TULP1: variants seen among roughly 807,000 people sequenced by gnomAD.
The protein encoded by TULP1 is tubby-related protein 1.
Under a neutral mutation model 67.1 loss-of-function variants are expected in TULP1, and 50 were observed. The ratio of observed to expected loss-of-function variants is 0.75; its 90% confidence interval spans 0.59 to 0.94. The LOEUF (loss-of-function observed/expected upper bound fraction) is 0.94, where lower values mean the gene tolerates loss of function less well. TULP1 is among the 40% of genes least tolerant of loss of function. The pLI is 0.00. For synonymous variants in TULP1, 297 were observed against 294.0 expected, an observed-to-expected ratio of 1.01 and a Z score of -0.11; for missense variants, 746 against 734.1, an observed-to-expected ratio of 1.02 and a Z score of -0.19.
At chr6:35,501,655 T>C (rs1760966177) in intron 13 of TULP1, among the ~76,000 whole-genome samples, 1 of 149,220 alleles carries the variant, frequency 6.7e-6, no homozygotes, top group Non-Finnish European at 1.5e-5. Flanking sequence ...CTACTGAAAA[T>C]ACAAAAATTA....
At chr6:35,501,934 ACCT>A (rs543711386) in intron 13 of TULP1, among the ~76,000 whole-genome samples, 2 of 151,328 alleles carry the variant, frequency 1.3e-5, no homozygotes, top group South Asian at 4.2e-4. Context: ...CACTTCTCTG[ACCT>A]CCTCTCCCCC....
At chr6:35,501,805 C>G (rs1760968490) in intron 13 of TULP1, among the ~76,000 whole-genome samples, 1 of 152,216 alleles carries the variant, frequency 6.6e-6, no homozygotes, top group Admixed American at 6.5e-5. Flanking sequence ...GAGCGAGACT[C>G]CGTCTCAAAA....
At chr6:35,499,875 A>C in intron 14 of TULP1, 106 bp downstream of exon 14, 1 of 1,396,430 alleles carries the variant, frequency 7.2e-7, no homozygotes, top group Non-Finnish European at 1.0e-6. Flanking sequence ...AGCTCTCGGG[A>C]TAAAGGCTGG....
Position 35,512,019 on chromosome 6 carries a change from C to T in TULP1, c.190+161G>A, listed in dbSNP as rs1252233693. ...CAACGCCACCCCCTTCTACACCAAC[C>T]CCAACCCCAACCCCAACCCCAATCC... On this transcript the variant is annotated intron_variant, in intron 3 of 14. Transcript: ENST00000229771. 4 of 564,008 alleles carry T rather than the reference C, an allele frequency of 7.1e-6. No individual in the cohort carries two copies. The African/African-American group carries it at 7.7e-5, about 11-fold the overall frequency. The allele number at this position is 564,008 out of a possible 1,614,324, so 34.9% of individuals were successfully genotyped here. A position where few individuals can be genotyped will look rare whatever the true frequency, so the allele number is the denominator to read the frequency against.
chr6:35,511,785 C>T lies in TULP1; in HGVS notation c.212G>A (p.Arg71Gln), dbSNP rs1359111633. ...GGCTGGGTCTGGGGAAGGCTCCTCC[C>T]GCGGCCTCCCCGTCCGCCCAGCTGA... ...KPGAGRTGRP[R>Q]EEPSPDPAQA... The change falls in exon 4 of 15, where the codon CGG (arginine) becomes CAG (glutamine). Residue 71 changes from arginine (R) to glutamine (Q), a missense_variant. By Grantham distance (43) the Arg-to-Gln change is conservative. Coordinates refer to ENST00000229771, the MANE Select transcript of TULP1 (RefSeq NM_003322.6). The T allele has an allele frequency of 2.6e-6, 4 of 1,567,442 alleles. No homozygotes were observed. The highest frequency in any genetic ancestry group is 1.2e-5 in the South Asian group (1 of 85,596).
rs1761007641 is a variant in TULP1 at position 35,503,295 on chromosome 6, T to C, written c.1323+264A>G. On this transcript the variant is annotated intron_variant, in intron 13 of 14. Transcript: ENST00000229771. This position sits in a 1 kb window ranked among gnomAD's most constrained non-coding sequence, Gnocchi z 4.0. ...GTCTTCCAGGTGCCTAGGATAATACTTGGCACTCAATATGTGTGGTCAATG... is the reference window on the plus strand; with the variant it reads ...GTCTTCCAGGTGCCTAGGATAATACCTGGCACTCAATATGTGTGGTCAATG... The C allele has an allele frequency of 4.2e-6, 2 of 478,632 alleles. No homozygotes were observed. The highest frequency in any genetic ancestry group is 3.9e-5 in the African/African-American group (2 of 51,032). 29.6% of individuals were successfully genotyped at this position (478,632 alleles called of 1,614,324 possible).
At chr6:35,512,305 G>GA in intron 2 of TULP1, 35 bp from the exon 3 acceptor site, 1 of 1,122,220 alleles carries the variant, frequency 8.9e-7, no homozygotes, top group Non-Finnish European at 1.2e-6. Flanking sequence ...GTCGAGGAAG[G>GA]AAAGGGGGGC....
Position 35,505,125 on chromosome 6 carries a change from C to T in TULP1, c.1112+616G>A, listed in dbSNP as rs1315393037. On this transcript the variant is annotated intron_variant, in intron 11 of 14. Transcript: ENST00000229771. ...CTAATTTTTGTATTTTTAATAGAGA[C>T]GGGGTTTCACCATGTTGGCCAGGCT... is the stretch of plus-strand genomic sequence containing the variant. Among the ~76,000 whole-genome samples, 12 of 151,936 alleles carry T rather than the reference C, an allele frequency of 7.9e-5. No individual in the cohort carries two copies. The East Asian group carries it at 1.9e-3, about 25-fold the overall frequency.
At chr6:35,508,205 G>A (rs115596023) in intron 8 of TULP1, among the ~76,000 whole-genome samples, 115 of 152,306 alleles carry the variant, frequency 7.6e-4, no homozygotes, top group African/African-American at 2.5e-3. Context: ...AGGGACAAGT[G>A]ATCACCTGTT....
chr6:35,509,410 A>C, intron 7 of TULP1, 98 bp from the exon 8 acceptor site: 1 of 1,232,012 alleles, frequency 8.1e-7, no homozygotes, highest in South Asian at 1.2e-5. Context: ...CCACAACCAC[A>C]AGAGAGTCGA....
Position 35,512,669 on chromosome 6 carries a change from C to T in TULP1, c.69G>A (p.Leu23=). The change falls in exon 2 of 15, where the codon CTG becomes CTA. Residue 23 remains leucine (L), a synonymous_variant. Coordinates refer to ENST00000229771, the MANE Select transcript of TULP1 (RefSeq NM_003322.6). ...ASDSGHEEES[L]SPEAPRRPKQ... The stretch of plus-strand genomic sequence containing the variant: ...TGGGGCGCCGCGGGGCCTCCGGGCT[C>T]AGGCTTTCTTCTTCATGCCCACTGA... 2 of 1,614,064 alleles carry T rather than the reference C, an allele frequency of 1.2e-6. No homozygotes were observed. The highest frequency in any genetic ancestry group is 2.2e-5 in the South Asian group (2 of 91,082).
At chr6:35,512,145 C>G in intron 3 of TULP1, 35 bp downstream of exon 3, 1 of 1,298,344 alleles carries the variant, frequency 7.7e-7, no homozygotes, top group Non-Finnish European at 9.9e-7. Context: ...CAGCCCACAC[C>G]CTGGGGGTCC....
chr6:35,500,019 G>T lies in TULP1; in HGVS notation c.1457C>A (p.Ala486Asp), dbSNP rs982387647. ...GACAATCTGGAAGTTCTTGACTGAG[G>T]CCTGGGTGACCCGGCCTTGGAAGTT... ...TLNFQGRVTQ[A>D]SVKNFQIVHA... Residue 486 changes from alanine (A) to aspartate (D), a missense_variant, in exon 14 of 15, where the codon GCC (alanine) becomes GAC (aspartate). By Grantham distance (126) the Ala-to-Asp change is moderately radical. Around this residue, in one of 3 missense-constraint regions of TULP1, gnomAD observed 383 missense variants for 374.1 expected, o/e 1.02. Coordinates refer to ENST00000229771, the MANE Select transcript of TULP1 (RefSeq NM_003322.6). 6.2e-7 allele frequency: 1 copy of T among 1,614,168 alleles called. No homozygotes were observed. Among genetic ancestry groups the T allele is most frequent in the Non-Finnish European group, 8.5e-7 (1 of 1,180,032 alleles).
In TULP1 at chr6:35,511,745, C is replaced by T; in HGVS notation, c.252G>A (p.Pro84=). The T allele has an allele frequency of 6.3e-7, 1 of 1,585,404 alleles. No individual in the cohort carries two copies. The highest frequency in any genetic ancestry group is 8.6e-7 in the Non-Finnish European group (1 of 1,166,310). The change falls in exon 4 of 15, where the codon CCG becomes CCA. Residue 84 remains proline (P), a synonymous_variant. Transcript: ENST00000229771. The stretch of plus-strand genomic sequence containing the variant: ...TGAGGAACCTGGCGTAGACCGTCTG[C>T]GGCGCCCGGGCCTGGGCTGGGTCTG... ...PSPDPAQARA[P]QTVYARFLRD... is the part of the protein sequence containing the mutation.
chr6:35,509,067 G>T, intron 8 of TULP1, 142 bp downstream of exon 8: 3 of 785,088 alleles, frequency 3.8e-6, no homozygotes, highest in Non-Finnish European at 6.6e-6. Context: ...GGTTTCCTTT[G>T]TCCTTATATC....
In TULP1 at chr6:35,512,171, C is replaced by T; in HGVS notation, c.190+9G>A. 1.5e-6 allele frequency: 2 copies of T among 1,347,442 alleles called. No individual in the cohort carries two copies. Among genetic ancestry groups the T allele is most frequent in the Non-Finnish European group, 1.9e-6 (2 of 1,049,656 alleles). 83.5% of individuals were successfully genotyped at this position (1,347,442 alleles called of 1,614,324 possible). On this transcript the variant is annotated intron_variant, in intron 3 of 14. Coordinates refer to ENST00000229771, the MANE Select transcript of TULP1 (RefSeq NM_003322.6). ...CTGGGGGTCCACCCGGGCTCTGCAC[C>T]CCGCCCACCTCCGGGCTTCCGGGGC...
chr6:35,506,114 G>A lies in TULP1; in HGVS notation c.888C>T (p.Leu296=), dbSNP rs568562300. The A allele has an allele frequency of 6.2e-6, 10 of 1,613,696 alleles. No homozygotes were observed. The highest frequency in any genetic ancestry group is 1.6e-4 in the Middle Eastern group (1 of 6,062). ...VEVDEPREFV[L]RPAPQGRTVR... is the part of the protein sequence containing the mutation. ...CCGTGCGGCCCTGGGGGGCAGGCCG[G>A]AGCACAAACTCCCGGGGTTCGTCCA... Residue 296 remains leucine (L), a synonymous_variant, in exon 10 of 15, where the codon CTC becomes CTT. Transcript: ENST00000229771.
At chr6:35,509,784 C>T (rs1315696659) in intron 6 of TULP1, 34 bp from the exon 7 acceptor site, 3 of 1,613,878 alleles carry the variant, frequency 1.9e-6, no homozygotes, top group South Asian at 2.2e-5. Flanking sequence ...TCACAACCCC[C>T]ACCGCAACTG....
chr6:35,501,215 A>G (rs2150922973), intron 13 of TULP1, among the ~76,000 whole-genome samples: 1 of 152,272 alleles, frequency 6.6e-6, no homozygotes, highest in Middle Eastern at 3.4e-3. Context: ...GCTTTTTAAA[A>G]TACAAGTCAT....
Sources: gnomAD v4.1 joint callset for allele counts (sites outside exome capture counted in the v4.1 genomes callset) on GRCh38, gnomAD v4.1.1 for gene constraint, gnomAD v4.1.1 regional missense constraint, Gnocchi (gnomAD v3.1) non-coding constraint, MANE v1.5 for transcripts, NCBI Gene and HGNC (gene_info 2026-07-23, HGNC 2026-07-21) for gene names.